The following WWOX variants were observed in gnomAD, a reference collection of about 807,000 sequenced individuals.
WWOX encodes the protein WW domain containing oxidoreductase, also known as WW domain-containing oxidoreductase.
In WWOX, 69 loss-of-function variants were observed where a neutral mutation model predicts 46.2. That is an observed-to-expected ratio of 1.49 (90% confidence interval 1.23 to 1.82). The LOEUF is 1.82. Among genes scored for constraint, WWOX ranks in the 40% most tolerant of loss-of-function variants. WWOX has a pLI of 0.00. For missense variants in WWOX, 919 were observed against 542.6 expected (o/e 1.69, Z -6.89); for synonymous variants, 359 against 202.6 (o/e 1.77, Z -6.56).
intron 5 of WWOX, among the ~76,000 whole-genome samples, chr16:78,200,418 A>T (rs1323727340): frequency 1.3e-5 from 2 of 151,098 alleles, no homozygotes; most frequent in Non-Finnish European, 2.9e-5. Context: ...GAATAAAAAA[A>T]AGTTTGGTTT....
intron 8 of WWOX, among the ~76,000 whole-genome samples, chr16:78,806,829 A>G (rs1187486905): frequency 2.0e-5 from 3 of 152,180 alleles, no homozygotes; most frequent in Non-Finnish European, 4.4e-5. Context: ...ACATACTGCC[A>G]TGGCCACTTT....
At chr16:78,667,473 A>T (rs2047358499) in intron 8 of WWOX, among the ~76,000 whole-genome samples, 1 of 151,990 alleles carries the variant, frequency 6.6e-6, no homozygotes, top group Non-Finnish European at 1.5e-5. Context: ...GTTCAAGACC[A>T]TCCTGGTTAA....
rs866344871 is a variant in WWOX, at chr16:78,624,877, A to G, written c.1056+192125A>G. 2.0e-5 allele frequency among the ~76,000 whole-genome samples: 3 copies of G among 152,214 alleles called. No homozygotes were observed. The South Asian group carries it at 6.2e-4, about 31-fold the overall frequency. ...TATGAACATGATTTTGAATGCTGGCATGGTGATGAAAGGTGATGTTCACCT... is the reference window on the plus strand; with the variant it reads ...TATGAACATGATTTTGAATGCTGGCGTGGTGATGAAAGGTGATGTTCACCT... On this transcript the variant is annotated intron_variant, in intron 8 of 8. Coordinates refer to ENST00000566780, the MANE Select transcript of WWOX (RefSeq NM_016373.4).
chr16:78,213,878 G>T (rs1246937634), intron 5 of WWOX, among the ~76,000 whole-genome samples: 1 of 152,116 alleles, frequency 6.6e-6, no homozygotes, highest in African/African-American at 2.4e-5. Context: ...AGGGCTTCTG[G>T]GGCCCCCAGG....
At chr16:78,714,381 C>T (rs775226333) in intron 8 of WWOX, among the ~76,000 whole-genome samples, 8 of 151,884 alleles carry the variant, frequency 5.3e-5, no homozygotes, top group Non-Finnish European at 1.0e-4. Flanking sequence ...TTTATAAAAC[C>T]ATCAGATCTC....
intron 8 of WWOX, among the ~76,000 whole-genome samples, chr16:78,764,522 C>T (rs1048159428): frequency 2.8e-5 from 4 of 145,314 alleles, no homozygotes; most frequent in Non-Finnish European, 6.0e-5. Flanking sequence ...CCTGTGTTCT[C>T]TGCTTTCTGC....
chr16:79,203,532 CTA>C (rs2051411127), intron 8 of WWOX: 2 of 145,140 alleles, frequency 1.4e-5, no homozygotes, highest in Admixed American at 7.1e-5. Flanking sequence ...TTTTTCAGGA[CTA>C]TGTTATAGAA....
intron 8 of WWOX, among the ~76,000 whole-genome samples, chr16:79,192,185 G>A (rs10163442): frequency 1.3e-5 from 2 of 152,224 alleles, no homozygotes; most frequent in African/African-American, 4.8e-5. Context: ...AGCTCTAATA[G>A]GGAATGTGTG....
chr16:79,172,937 CTTG>C, intron 8 of WWOX, among the ~76,000 whole-genome samples: 2 of 152,092 alleles, frequency 1.3e-5, no homozygotes, highest in Admixed American at 6.5e-5. Context: ...AGGAAGATTG[CTTG>C]AGCCTGGGAC....
chr16:78,878,202 G>A (rs2044271909), intron 8 of WWOX, among the ~76,000 whole-genome samples: 1 of 152,148 alleles, frequency 6.6e-6, no homozygotes, highest in Non-Finnish European at 1.5e-5. Flanking sequence ...GACCATGGAT[G>A]GAAATCCTGA....
intron 8 of WWOX, among the ~76,000 whole-genome samples, chr16:78,584,151 G>C (rs996290695): frequency 5.9e-5 from 9 of 152,192 alleles, no homozygotes; most frequent in Non-Finnish European, 1.3e-4. Flanking sequence ...CGTCTGTCTT[G>C]ATCATTTCTC....
At chr16:79,002,236 T>C (rs2047107823) in intron 8 of WWOX, among the ~76,000 whole-genome samples, 1 of 143,042 alleles carries the variant, frequency 7.0e-6, no homozygotes, top group Non-Finnish European at 1.5e-5. Context: ...TTTTTTTTTT[T>C]TTTTGAGATG....
At position 78,349,735 on chromosome 16, in the gene WWOX, G is replaced by A. The variant is rs1449691033; in HGVS notation, c.517-37125G>A. 2.5e-5 allele frequency among the ~76,000 whole-genome samples: 3 copies of A among 121,232 alleles called. 1 individual carries two copies. The highest frequency in any genetic ancestry group is 5.9e-5 in the Non-Finnish European group (3 of 50,784). 79.5% of individuals were successfully genotyped at this position (121,232 alleles called of 152,430 possible). ...TTCAGTGATTGAAATTATGCTTGGA[G>A]TGCAGGTGTCACCGATGAAACAGCA... On this transcript the variant is annotated intron_variant, in intron 5 of 8. Coordinates refer to ENST00000566780, the MANE Select transcript of WWOX (RefSeq NM_016373.4).
At chr16:79,024,594 T>A (rs1487291948) in intron 8 of WWOX, among the ~76,000 whole-genome samples, 3 of 152,002 alleles carry the variant, frequency 2.0e-5, no homozygotes, top group Admixed American at 6.6e-5. Flanking sequence ...CCACCATGCC[T>A]GGCTAATTTT....
chr16:78,373,996 A>G (rs2081757560), intron 5 of WWOX, among the ~76,000 whole-genome samples: 1 of 152,234 alleles, frequency 6.6e-6, no homozygotes, highest in African/African-American at 2.4e-5. Context: ...CATGTTGGCC[A>G]GGCTGGTCTT....
Position 78,839,959 on chromosome 16 carries a change from G to C in WWOX, c.1057-371649G>C, listed in dbSNP as rs149443202. Among the ~76,000 whole-genome samples the C allele has an allele frequency of 2.1e-3, 318 of 152,310 alleles. 2 individuals are homozygous for C. Among genetic ancestry groups the C allele is most frequent in the Non-Finnish European group, 6.2e-4 (42 of 68,030 alleles). Reference sequence around the variant, plus strand: ...ACCATATATTATTAGCTAGTGACTTGAGCAAGTTGCTTCATTTTCCTGATC... The same window carrying C: ...ACCATATATTATTAGCTAGTGACTTCAGCAAGTTGCTTCATTTTCCTGATC... On this transcript the variant is annotated intron_variant, in intron 8 of 8. Transcript: ENST00000566780.
At chr16:79,080,963 G>A (rs1452911283) in intron 8 of WWOX, among the ~76,000 whole-genome samples, 1 of 152,136 alleles carries the variant, frequency 6.6e-6, no homozygotes, top group Non-Finnish European at 1.5e-5. Flanking sequence ...TAGTTAGATA[G>A]TGATGAAAAG....
intron 8 of WWOX, among the ~76,000 whole-genome samples, chr16:78,801,955 A>G (rs542323248): frequency 2.6e-4 from 40 of 152,206 alleles, no homozygotes; most frequent in Non-Finnish European, 4.8e-4. Flanking sequence ...AAAATGGGGT[A>G]AGAACAGAAT....
At chr16:78,698,167 C>T (rs114237646) in intron 8 of WWOX, among the ~76,000 whole-genome samples, 2,169 of 152,236 alleles carry the variant, frequency 0.014, 51 homozygotes, top group African/African-American at 0.049. Context: ...GGATGGTCCC[C>T]TTTGTCAAAG....
Sources: gnomAD v4.1 joint callset for allele counts (sites outside exome capture counted in the v4.1 genomes callset) on GRCh38, gnomAD v4.1.1 for gene constraint, MANE v1.5 for transcripts, NCBI Gene and HGNC (gene_info 2026-07-23, HGNC 2026-07-21) for gene names.